The following ZNF300 variants were observed in gnomAD, a reference collection of about 807,000 sequenced individuals.
ZNF300 encodes kruppel-like zinc finger protein.
A neutral mutation model predicts 13.9 loss-of-function variants in ZNF300; 6 were observed. That is an observed-to-expected ratio of 0.43 (90% CI 0.24 to 0.85). The LOEUF is 0.85. ZNF300 is among the 40% of genes least tolerant of loss of function. The probability of loss-of-function intolerance (pLI) is 0.25; values close to 1 mark genes in which losing one functional copy is unlikely to be tolerated. For missense variants in ZNF300, 662 were observed against 714.2 expected (o/e 0.93, Z 0.83); for synonymous variants, 237 against 242.2 (o/e 0.98, Z 0.20).
chr5:150,899,352 A>G (rs1187289056), intron 3 of ZNF300, among the ~76,000 whole-genome samples: 1 of 152,168 alleles, frequency 6.6e-6, no homozygotes, highest in African/African-American at 2.4e-5. Context: ...AAGTAACAAA[A>G]TAAGACACAG....
rs1378958213 is a variant in ZNF300, at chr5:150,896,181, T to C, written c.1058A>G (p.Tyr353Cys). Reference protein sequence around the residue: ...HQRVHTGEKPYECSECGKAFS... With the variant: ...HQRVHTGEKPCECSECGKAFS... ...GGCTTTCCCGCATTCACTACATTCA[T>C]AGGGTTTTTCCCCAGTGTGAACTCT... Residue 353 changes from tyrosine (Y) to cysteine (C), a missense_variant, in exon 6 of 6, where the codon TAT (tyrosine) becomes TGT (cysteine). Physicochemically the swap from Tyr to Cys is radical, Grantham distance 194. Coordinates refer to ENST00000274599, the MANE Select transcript of ZNF300 (RefSeq NM_052860.4). The C allele has an allele frequency of 6.2e-7, 1 of 1,613,612 alleles. No homozygotes were observed. Among genetic ancestry groups the C allele is most frequent in the Non-Finnish European group, 8.5e-7 (1 of 1,179,808 alleles).
chr5:150,898,319 G>A (rs1754870839), intron 4 of ZNF300, 109 bp downstream of exon 4: 1 of 1,596,666 alleles, frequency 6.3e-7, no homozygotes, highest in East Asian at 2.2e-5. Context: ...GCAAAGGTAT[G>A]AAGGTCATAA....
intron 3 of ZNF300, 124 bp from the exon 4 acceptor site, chr5:150,898,678 G>GT: frequency 8.6e-7 from 1 of 1,159,086 alleles, no homozygotes; most frequent in Middle Eastern, 2.1e-4. Flanking sequence ...ATAAAATCCT[G>GT]TTTTTAGCAA....
In ZNF300 at chr5:150,903,146, A is replaced by ACTT; in HGVS notation, c.7_9dup (p.Lys3dup). 1 of 1,612,352 alleles carries ACTT rather than the reference A, an allele frequency of 6.2e-7. No individual in the cohort carries two copies. Among genetic ancestry groups the ACTT allele is most frequent in the Non-Finnish European group, 8.5e-7 (1 of 1,179,510 alleles). The stretch of plus-strand genomic sequence containing the variant: ...TTTTTTAAAAAGCAACTCACCTGGG[A>ACTT]CTTCATCATTTTTTGCTCTTCCAAA... On this transcript the variant is annotated inframe_insertion, in exon 3 of 6. Coordinates refer to ENST00000274599, the MANE Select transcript of ZNF300 (RefSeq NM_052860.4).
At chr5:150,900,078 T>A (rs1214149002) in intron 3 of ZNF300, among the ~76,000 whole-genome samples, 2 of 152,048 alleles carry the variant, frequency 1.3e-5, no homozygotes, top group East Asian at 3.8e-4. Flanking sequence ...ATTGTACATA[T>A]AAGAAAACTG....
At chr5:150,898,323 G>A (rs1452390452) in intron 4 of ZNF300, 105 bp downstream of exon 4, 1 of 1,598,040 alleles carries the variant, frequency 6.3e-7, no homozygotes, top group African/African-American at 1.3e-5. Flanking sequence ...AGGTATGAAG[G>A]TCATAAAAGT....
Position 150,896,050 on chromosome 5 carries a change from T to G in ZNF300, c.1189A>C (p.Ile397Leu), listed in dbSNP as rs774664117. 14 of 1,613,432 alleles carry G rather than the reference T, an allele frequency of 8.7e-6. No individual in the cohort carries two copies. The East Asian group carries it at 3.1e-4, about 36-fold the overall frequency. ...GKAFSQKSQLIIHHRAHTGEK... is the reference protein window; with the variant it reads ...GKAFSQKSQLLIHHRAHTGEK... Reference sequence around the variant, plus strand: ...CCAGTATGAGCTCTGTGGTGTATAATCAGCTGTGACTTCTGGGAAAAGGCC... The same window carrying G: ...CCAGTATGAGCTCTGTGGTGTATAAGCAGCTGTGACTTCTGGGAAAAGGCC... The change falls in exon 6 of 6, where the codon ATT becomes CTT. Residue 397 changes from isoleucine (I) to leucine (L), a missense_variant. Ile to Leu is a conservative substitution (Grantham distance 5, BLOSUM62 2). Transcript: ENST00000274599.
chr5:150,898,129 T>C lies in ZNF300; in HGVS notation c.198A>G (p.Pro66=), dbSNP rs149060458. 295 of 1,613,704 alleles carry C rather than the reference T, an allele frequency of 1.8e-4. 1 individual carries two copies. The African/African-American group carries it at 3.7e-3, about 20-fold the overall frequency. The part of the protein sequence containing the change: ...VISKLEQGEE[P]WIIKGDISNW... The stretch of plus-strand genomic sequence containing the variant: ...TTGATATGTCTCCCTTTATGATCCA[T>C]GGCTCTTCTCCTTGTTCCAACTTGG... The change falls in exon 5 of 6, where the codon CCA becomes CCG. Residue 66 remains proline (P), a synonymous_variant. Transcript: ENST00000274599.
chr5:150,899,836 AC>A (rs1452233522), intron 3 of ZNF300, among the ~76,000 whole-genome samples: 1 of 152,106 alleles, frequency 6.6e-6, no homozygotes, highest in Non-Finnish European at 1.5e-5. Context: ...AATTGTTCAG[AC>A]TTTTTCCCCA....
chr5:150,896,846 A>G lies in ZNF300; in HGVS notation c.393T>C (p.Asp131=). The change falls in exon 6 of 6, where the codon GAT becomes GAC. Residue 131 remains aspartate (D), a synonymous_variant. Transcript: ENST00000274599. ...TCTCTAGAAATCTCTGCAGCTGACC[A>G]TCACCTTGACAGACTTTTAAAATGG... ...LCSILKVCQG[D]GQLQRFLENQ... 6.2e-7 allele frequency: 1 copy of G among 1,613,720 alleles called. No homozygotes were observed. The highest frequency in any genetic ancestry group is 1.3e-5 in the African/African-American group (1 of 74,994).
At position 150,894,812 on chromosome 5, in the gene ZNF300, T is replaced by C. The variant is rs12653571; in HGVS notation, c.*612A>G. 0.044 allele frequency: 6,728 copies of C among 152,342 alleles called. 194 individuals carry two copies. Among genetic ancestry groups the C allele is most frequent in the East Asian group, 0.16 (826 of 5,290 alleles). The allele number at this position is 152,342 out of a possible 1,614,324, so 9.4% of individuals were successfully genotyped here. On this transcript the variant is annotated 3_prime_UTR_variant, in exon 6 of 6. Coordinates refer to ENST00000274599, the MANE Select transcript of ZNF300 (RefSeq NM_052860.4). ...TGTTTTTCAGCTCCAAGTTCCCAGT[T>C]GGGAAGAGTAAAAGGGAGACCTGCT...
intron 3 of ZNF300, among the ~76,000 whole-genome samples, chr5:150,902,476 A>G (rs116797474): frequency 1.6e-4 from 25 of 152,320 alleles, no homozygotes; most frequent in Non-Finnish European, 2.8e-4. Flanking sequence ...GGGGTCAACA[A>G]ACTTTTTCAG....
In ZNF300 at chr5:150,895,305, C is replaced by T; in HGVS notation, c.*119G>A. 1 of 730,816 alleles carries T rather than the reference C, an allele frequency of 1.4e-6. No homozygotes were observed. Among genetic ancestry groups the T allele is most frequent in the East Asian group, 2.9e-5 (1 of 34,600 alleles). 45.3% of individuals were successfully genotyped at this position (730,816 alleles called of 1,614,324 possible). ...AAGTTAGGCATCACCAAACTAGAAA[C>T]AAATTCCCTTAAAAATTTTTATCTA... is the stretch of plus-strand genomic sequence containing the variant. On this transcript the variant is annotated 3_prime_UTR_variant, in exon 6 of 6. Coordinates refer to ENST00000274599, the MANE Select transcript of ZNF300 (RefSeq NM_052860.4).
Position 150,898,558 on chromosome 5 carries a change from T to A in ZNF300, c.16-4A>T. ...CATCCTTGAATGATACTAACCCCTGTAATAGTAAATTCCTGTTCAATCTGA... is the reference window on the plus strand; with the variant it reads ...CATCCTTGAATGATACTAACCCCTGAAATAGTAAATTCCTGTTCAATCTGA... On this transcript the variant is annotated splice_polypyrimidine_tract_variant and splice_region_variant and intron_variant, in intron 3 of 5. Transcript: ENST00000274599. 2.5e-6 allele frequency: 4 copies of A among 1,591,442 alleles called. No homozygotes were observed. The highest frequency in any genetic ancestry group is 3.4e-6 in the Non-Finnish European group (4 of 1,167,642).
chr5:150,898,472 T>TA lies in ZNF300; in HGVS notation c.97dup (p.Tyr33LeufsTer49). 1 of 1,613,378 alleles carries TA rather than the reference T, an allele frequency of 6.2e-7. No homozygotes were observed. Among genetic ancestry groups the TA allele is most frequent in the South Asian group, 1.1e-5 (1 of 91,062 alleles). On this transcript the variant is annotated frameshift_variant, in exon 4 of 6. Transcript: ENST00000274599. LOFTEE classifies it high-confidence loss of function. ...GTAGTTCTCCAGCATCACATCCCTGTACAGGGTCCTCTGAGAAGGGTCAAG... is the reference window on the plus strand; with the variant it reads ...GTAGTTCTCCAGCATCACATCCCTGTAACAGGGTCCTCTGAGAAGGGTCAAG...
In ZNF300 at chr5:150,896,938, T is replaced by TACATGACTGGGAGTTGTGA. The variant is rs771346134; in HGVS notation, c.282_300dup (p.Ile101SerfsTer16). Reference sequence around the variant, plus strand: ...TGATGGAAGGAAACTGTCCCCAAAATACATGACTGGGAGTTGTGAAGGTTA... The same window carrying TACATGACTGGGAGTTGTGA: ...TGATGGAAGGAAACTGTCCCCAAAATACATGACTGGGAGTTGTGAACATGACTGGGAGTTGTGAAGGTTA... On this transcript the variant is annotated frameshift_variant, in exon 6 of 6. Coordinates refer to ENST00000274599, the MANE Select transcript of ZNF300 (RefSeq NM_052860.4). LOFTEE classifies it low-confidence loss of function (END_TRUNC). 7.4e-6 allele frequency: 12 copies of TACATGACTGGGAGTTGTGA among 1,612,678 alleles called. No individual in the cohort carries two copies. Among genetic ancestry groups the TACATGACTGGGAGTTGTGA allele is most frequent in the Non-Finnish European group, 1.0e-5 (12 of 1,179,418 alleles).
Position 150,896,366 on chromosome 5 carries a change from ATGAATTCTT to A in ZNF300, c.864_872del (p.Gln288_Ile290del). 6.2e-7 allele frequency: 1 copy of A among 1,613,630 alleles called. No individual in the cohort carries two copies. Among genetic ancestry groups the A allele is most frequent in the Non-Finnish European group, 8.5e-7 (1 of 1,179,814 alleles). On this transcript the variant is annotated inframe_deletion, in exon 6 of 6. Coordinates refer to ENST00000274599, the MANE Select transcript of ZNF300 (RefSeq NM_052860.4). ...CACAATCATATGGTTTCTTTCCAGT[ATGAATTCTT>A]TGATGTACAATGAGTTGTGACTTCT...
chr5:150,897,711 T>G, intron 5 of ZNF300: 1 of 259,704 alleles, frequency 3.9e-6, no homozygotes, highest in East Asian at 7.5e-5. Context: ...CTTTAGACTC[T>G]TAATTTTCTC....
intron 3 of ZNF300, among the ~76,000 whole-genome samples, chr5:150,900,999 C>T (rs1347368648): frequency 2.0e-5 from 3 of 151,928 alleles, no homozygotes; most frequent in Non-Finnish European, 2.9e-5. Context: ...TTTTACAGCT[C>T]AGGTCCCTGG....
Sources: gnomAD v4.1 joint callset for allele counts (sites outside exome capture counted in the v4.1 genomes callset) on GRCh38, gnomAD v4.1.1 for gene constraint, MANE v1.5 for transcripts, NCBI Gene and HGNC (gene_info 2026-07-23, HGNC 2026-07-21) for gene names.